AP4S1: variants seen among roughly 807,000 people sequenced by gnomAD.
AP4S1 encodes the protein AP-4 complex subunit sigma-1.
A neutral mutation model predicts 19.8 loss-of-function variants in AP4S1; 23 were observed. The observed-to-expected ratio is 1.16, with a 90% CI of 0.84 to 1.65. The LOEUF (loss-of-function observed/expected upper bound fraction) is 1.65. Ranked by LOEUF, AP4S1 falls within the 40% of genes most tolerant of loss-of-function variation. The probability of loss-of-function intolerance (pLI) is 0.00; values close to 1 mark genes in which losing one functional copy is unlikely to be tolerated. For missense variants in AP4S1, 166 were observed against 172.8 expected (o/e 0.96, Z 0.22); for synonymous variants, 46 against 54.1 (o/e 0.85, Z 0.66).
intron 5 of AP4S1, among the ~76,000 whole-genome samples, chr14:31,089,179 A>AG (rs1345974319): frequency 6.6e-6 from 1 of 151,990 alleles, no homozygotes; most frequent in East Asian, 1.9e-4. Context: ...AAAAAAAAAA[A>AG]AAGTGAACAG....
chr14:31,078,145 T>C lies in AP4S1; in HGVS notation c.295-2428T>C, dbSNP rs778983755. Among the ~76,000 whole-genome samples, 3 of 152,344 alleles carry C rather than the reference T, an allele frequency of 2.0e-5. No homozygotes were observed. The South Asian group carries it at 6.2e-4, about 32-fold the overall frequency. On this transcript the variant is annotated intron_variant, in intron 4 of 5. Transcript: ENST00000542754. ...GTTGGTGCGTTCCAAAGCTGAAAGA[T>C]ACCAAGAGGTGGTCATTCCAGAGAC... is the stretch of plus-strand genomic sequence containing the variant.
upstream of AP4S1, chr14:31,025,605 A>C: frequency 2.1e-6 from 1 of 472,224 alleles, no homozygotes. Flanking sequence ...CAAGCCCCGG[A>C]GGCCCGGGAA....
intron 2 of AP4S1, among the ~76,000 whole-genome samples, chr14:31,068,856 G>T (rs1249418184): frequency 2.6e-5 from 4 of 151,928 alleles, no homozygotes; most frequent in African/African-American, 9.7e-5. Flanking sequence ...TTTGAAAAAT[G>T]TTCCTCAGTT....
intron 3 of AP4S1, among the ~76,000 whole-genome samples, chr14:31,071,951 T>C (rs1887035243): frequency 6.6e-6 from 1 of 151,216 alleles, no homozygotes; most frequent in African/African-American, 2.4e-5. Flanking sequence ...GGATGGAGTC[T>C]CGCTATGTCA....
At chr14:31,073,137 C>T in intron 4 of AP4S1, 164 bp downstream of exon 4, 1 of 679,716 alleles carries the variant, frequency 1.5e-6, no homozygotes, top group Admixed American at 2.1e-5. Context: ...TCTGGTTTAT[C>T]CAAAGTGTTA....
intron 1 of AP4S1, among the ~76,000 whole-genome samples, chr14:31,058,517 C>CTCTGTGTGTGTG: frequency 7.2e-6 from 1 of 139,462 alleles, no homozygotes; most frequent in Middle Eastern, 3.6e-3. Flanking sequence ...TTCCCCATCT[C>CTCTGTGTGTGTG]TGTGTGTGTA....
At position 31,069,860 on chromosome 14, in the gene AP4S1, T is replaced by A; in HGVS notation, c.156T>A (p.Tyr52Ter). Reference sequence around the variant, plus strand: ...TTGTCTAGTGCTCTTTCATTGAATATAAGGATTTTAAGCTGATATATCGGC... The same window carrying A: ...TTGTCTAGTGCTCTTTCATTGAATAAAAGGATTTTAAGCTGATATATCGGC... ...RSNEQCSFIE[Y>*]KDFKLIYRQY... Residue 52 changes from tyrosine to a stop codon, truncating the protein, a stop_gained, in exon 3 of 6, where the codon TAT becomes TAA. Coordinates refer to ENST00000542754, the MANE Select transcript of AP4S1 (RefSeq NM_001128126.3). LOFTEE classifies it high-confidence loss of function. 1 of 1,612,902 alleles carries A rather than the reference T, an allele frequency of 6.2e-7. No homozygotes were observed. Among genetic ancestry groups the A allele is most frequent in the Non-Finnish European group, 8.5e-7 (1 of 1,178,910 alleles).
intron 5 of AP4S1, among the ~76,000 whole-genome samples, chr14:31,090,981 A>C (rs1484422951): frequency 6.6e-6 from 1 of 152,224 alleles, no homozygotes; most frequent in Non-Finnish European, 1.5e-5. Flanking sequence ...TGAGCAACTC[A>C]TGTTTCCAGG....
Position 31,025,703 on chromosome 14 carries a change from G to T in AP4S1, c.-156G>T. ...GGCCCGCACCGCGTAGCCAGTGAAGGTTGGGGAGCAAGCTTATGCGGGAAA... is the reference window on the plus strand; with the variant it reads ...GGCCCGCACCGCGTAGCCAGTGAAGTTTGGGGAGCAAGCTTATGCGGGAAA... On this transcript the variant is annotated 5_prime_UTR_variant, in exon 1 of 6. Transcript: ENST00000542754. 1.3e-6 allele frequency: 1 copy of T among 786,214 alleles called. No homozygotes were observed. Among genetic ancestry groups the T allele is most frequent in the South Asian group, 1.8e-5 (1 of 54,306 alleles). 48.7% of individuals were successfully genotyped at this position (786,214 alleles called of 1,614,324 possible). A position where few individuals can be genotyped will look rare whatever the true frequency, so the allele number is the denominator to read the frequency against.
rs1888134922 is a variant in AP4S1, at chr14:31,093,729, C to CCA, written c.*697_*698dup. On this transcript the variant is annotated 3_prime_UTR_variant, in exon 6 of 6. Transcript: ENST00000542754. Reference sequence around the variant, plus strand: ...CCAGAACGCTGGGATTACAGATGAGCCACAGTGCCTGACTTCTGAAGGCTG... The same window carrying CCA: ...CCAGAACGCTGGGATTACAGATGAGCCACACAGTGCCTGACTTCTGAAGGCTG... 6.6e-6 allele frequency: 1 copy of CCA among 152,234 alleles called. No homozygotes were observed. Among genetic ancestry groups the CCA allele is most frequent in the African/African-American group, 2.4e-5 (1 of 41,524 alleles). 9.4% of individuals were successfully genotyped at this position (152,234 alleles called of 1,614,324 possible).
intron 1 of AP4S1, among the ~76,000 whole-genome samples, chr14:31,054,668 G>A (rs567167605): frequency 6.6e-6 from 1 of 151,780 alleles, no homozygotes; most frequent in Admixed American, 6.6e-5. Context: ...TGGCCTGGGT[G>A]ACAGAGCAAG....
At chr14:31,029,849 CAA>C (rs926669591) in intron 1 of AP4S1, among the ~76,000 whole-genome samples, 1 of 138,210 alleles carries the variant, frequency 7.2e-6, no homozygotes, top group Non-Finnish European at 1.6e-5. Context: ...CCTTCCCCCA[CAA>C]AAAAAAAAAA....
At chr14:31,071,256 T>G (rs963731842) in intron 3 of AP4S1, among the ~76,000 whole-genome samples, 6 of 152,156 alleles carry the variant, frequency 3.9e-5, no homozygotes. Context: ...TGAACCAAAC[T>G]TTGAAGTGGT....
intron 1 of AP4S1, among the ~76,000 whole-genome samples, chr14:31,033,225 T>C (rs912035520): frequency 3.3e-5 from 5 of 152,062 alleles, no homozygotes; most frequent in African/African-American, 1.2e-4. Flanking sequence ...GTTTAATTTT[T>C]TTTTTTGAGA....
chr14:31,076,784 CTT>C (rs1025727671), intron 4 of AP4S1, among the ~76,000 whole-genome samples: 3 of 152,158 alleles, frequency 2.0e-5, no homozygotes, highest in African/African-American at 7.2e-5. Flanking sequence ...GTAGCACACT[CTT>C]TTGATTTCTG....
At chr14:31,035,983 G>A (rs1884745803) in intron 1 of AP4S1, among the ~76,000 whole-genome samples, 1 of 152,052 alleles carries the variant, frequency 6.6e-6, no homozygotes, top group African/African-American at 2.4e-5. Flanking sequence ...GCCCGCCTTG[G>A]CCTCCCAAAG....
At chr14:31,031,547 GC>G (rs1205166751) in intron 1 of AP4S1, among the ~76,000 whole-genome samples, 1 of 152,164 alleles carries the variant, frequency 6.6e-6, no homozygotes, top group East Asian at 1.9e-4. Flanking sequence ...AACCAGAACT[GC>G]CCTGAGTTTT....
intron 2 of AP4S1, among the ~76,000 whole-genome samples, chr14:31,067,767 C>T (rs566431633): frequency 5.4e-4 from 82 of 152,098 alleles, no homozygotes; most frequent in Non-Finnish European, 1.0e-3. Context: ...GATCTGCCTG[C>T]CTCGGCCTCC....
At chr14:31,074,839 C>T (rs543938767) in intron 4 of AP4S1, among the ~76,000 whole-genome samples, 1 of 152,010 alleles carries the variant, frequency 6.6e-6, no homozygotes, top group South Asian at 2.1e-4. Flanking sequence ...CCTCCACCCA[C>T]ACCAGGTAAC....
Sources: allele counts gnomAD v4.1 joint callset (sites outside exome capture counted in the v4.1 genomes callset), GRCh38; gene constraint gnomAD v4.1.1; transcripts MANE v1.5; gene names NCBI Gene and HGNC (gene_info 2026-07-23, HGNC 2026-07-21).